ABLIM1: variants seen among roughly 807,000 people sequenced by gnomAD.
ABLIM1 encodes the protein actin-binding LIM protein 1.
A neutral mutation model predicts 107.0 loss-of-function variants in ABLIM1; 40 were observed. The ratio of observed to expected loss-of-function variants is 0.37; its 90% confidence interval spans 0.29 to 0.49. The LOEUF (loss-of-function observed/expected upper bound fraction) is 0.49, where lower values mean the gene tolerates loss of function less well. ABLIM1 is among the 20% of genes least tolerant of loss of function. ABLIM1 has a pLI of 0.97. For synonymous variants in ABLIM1, 357 were observed against 357.3 expected, an observed-to-expected ratio of 1.00 and a Z score of 0.01; for missense variants, 857 against 1,008.5, an observed-to-expected ratio of 0.85 and a Z score of 2.04.
intron 1 of ABLIM1, among the ~76,000 whole-genome samples, chr10:114,735,027 T>C (rs2082150479): frequency 6.6e-6 from 1 of 152,212 alleles, no homozygotes; most frequent in Non-Finnish European, 1.5e-5. Context: ...AGTTAGCAAG[T>C]ACAGCCTTGG....
chr10:114,491,735 C>G, intron 7 of ABLIM1, 56 bp downstream of exon 7: 1 of 1,476,648 alleles, frequency 6.8e-7, no homozygotes, highest in South Asian at 1.2e-5. Context: ...ACAAACATAG[C>G]AAGATTTCCT....
At chr10:114,623,131 T>G (rs2140474416) in intron 1 of ABLIM1, among the ~76,000 whole-genome samples, 1 of 152,300 alleles carries the variant, frequency 6.6e-6, no homozygotes, top group Middle Eastern at 3.4e-3. Flanking sequence ...GGCTAATTTT[T>G]GTATTGTTAA....
At chr10:114,738,375 C>CA (rs1360206916) in intron 1 of ABLIM1, among the ~76,000 whole-genome samples, 1 of 152,040 alleles carries the variant, frequency 6.6e-6, no homozygotes, top group African/African-American at 2.4e-5. Context: ...TCTCAATAAT[C>CA]AAAAAATGAT....
chr10:114,718,130 A>AAAAAG (rs1566269894), intron 1 of ABLIM1, among the ~76,000 whole-genome samples: 1 of 124,310 alleles, frequency 8.0e-6, no homozygotes, highest in Non-Finnish European at 2.0e-5. Context: ...AAAAAGAAAG[A>AAAAAG]AAAGAAAGAA....
intron 12 of ABLIM1, among the ~76,000 whole-genome samples, chr10:114,454,806 T>A (rs1053430293): frequency 2.6e-5 from 4 of 152,316 alleles, no homozygotes; most frequent in African/African-American, 9.6e-5. Context: ...GTAGGGGTAA[T>A]GACTTTTACT....
chr10:114,529,376 CCT>C (rs1342027011), intron 6 of ABLIM1, among the ~76,000 whole-genome samples: 1 of 152,124 alleles, frequency 6.6e-6, no homozygotes, highest in Non-Finnish European at 1.5e-5. Flanking sequence ...CCTGCCTCAA[CCT>C]CCCAAAGTGC....
intron 15 of ABLIM1, among the ~76,000 whole-genome samples, chr10:114,447,582 G>C (rs1206110481): frequency 6.6e-6 from 1 of 152,212 alleles, no homozygotes; most frequent in Non-Finnish European, 1.5e-5. Flanking sequence ...ATGTTCAACA[G>C]AGTTACTGAT....
At chr10:114,630,678 C>T (rs11196816) in intron 1 of ABLIM1, among the ~76,000 whole-genome samples, 1 of 152,118 alleles carries the variant, frequency 6.6e-6, no homozygotes, top group Non-Finnish European at 1.5e-5. Context: ...CATCTTAAAT[C>T]TATTCCCTAT....
intron 2 of ABLIM1, among the ~76,000 whole-genome samples, chr10:114,577,531 G>A (rs7070949): frequency 0.028 from 4,293 of 152,256 alleles, 195 homozygotes; most frequent in African/African-American, 0.098. Flanking sequence ...AATTCTAAAT[G>A]TTTTAGAAAT....
chr10:114,581,262 G>A (rs1352399372), intron 2 of ABLIM1, among the ~76,000 whole-genome samples: 4 of 152,186 alleles, frequency 2.6e-5, no homozygotes, highest in African/African-American at 9.7e-5. Flanking sequence ...CAAAGTATGG[G>A]GGTGTCCAAC....
intron 1 of ABLIM1, among the ~76,000 whole-genome samples, chr10:114,677,169 C>A (rs1160959963): frequency 6.6e-6 from 1 of 152,200 alleles, no homozygotes; most frequent in Admixed American, 6.5e-5. Flanking sequence ...ATGAGCTCCA[C>A]AAAGGGAAGA....
At chr10:114,580,205 T>TTATATATTATATATATATATA (rs560754012) in intron 2 of ABLIM1, among the ~76,000 whole-genome samples, 2 of 144,882 alleles carry the variant, frequency 1.4e-5, no homozygotes, top group East Asian at 4.0e-4. Context: ...ATATTATATA[T>TTATATATTATATATATATATA]TATATATATA....
intron 6 of ABLIM1, among the ~76,000 whole-genome samples, chr10:114,523,493 T>C (rs1363257138): frequency 1.3e-5 from 2 of 152,168 alleles, no homozygotes; most frequent in African/African-American, 4.8e-5. Flanking sequence ...TCAGACCCTA[T>C]GGTTAGTGTG....
intron 2 of ABLIM1, among the ~76,000 whole-genome samples, chr10:114,596,793 C>A (rs535863536): frequency 9.2e-5 from 14 of 152,058 alleles, no homozygotes; most frequent in African/African-American, 2.9e-4. Flanking sequence ...TTTTTCAAAA[C>A]CTATTTTTAG....
At chr10:114,474,054 A>C (rs139102619) in intron 8 of ABLIM1, 98 bp from the exon 9 acceptor site, 10 of 831,240 alleles carry the variant, frequency 1.2e-5, no homozygotes, top group Middle Eastern at 2.3e-4. Context: ...AGCTAGTGAA[A>C]AAAAGAAACA....
intron 19 of ABLIM1, 125 bp from the exon 20 acceptor site, chr10:114,440,214 C>A: frequency 1.0e-6 from 1 of 963,348 alleles, no homozygotes; most frequent in Non-Finnish European, 1.6e-6. Context: ...TCTTTTTCTG[C>A]TCCCAGACTC....
Position 114,473,611 on chromosome 10 carries a change from C to T in ABLIM1, c.1119+268G>A, listed in dbSNP as rs188192054. On this transcript the variant is annotated intron_variant, in intron 9 of 22. Transcript: ENST00000533213. Reference sequence around the variant, plus strand: ...GGTGCAAGAATTTTTTTTTTTGAGACGGAGTCTTAGGTGCAAGAATTTTTT... The same window carrying T: ...GGTGCAAGAATTTTTTTTTTTGAGATGGAGTCTTAGGTGCAAGAATTTTTT... 6.3e-3 allele frequency among the ~76,000 whole-genome samples: 958 copies of T among 151,314 alleles called. 3 individuals carry two copies. The highest frequency in any genetic ancestry group is 7.4e-3 in the Non-Finnish European group (503 of 67,902).
chr10:114,765,827 A>C (rs1319608816), intron 1 of ABLIM1, among the ~76,000 whole-genome samples: 1 of 152,216 alleles, frequency 6.6e-6, no homozygotes, highest in Non-Finnish European at 1.5e-5. Context: ...TATCAAATTA[A>C]CAACATCTAG....
intron 6 of ABLIM1, among the ~76,000 whole-genome samples, chr10:114,540,442 C>T (rs1339274884): frequency 1.3e-5 from 2 of 152,156 alleles, no homozygotes; most frequent in East Asian, 1.9e-4. Context: ...TCAACTGAGC[C>T]GCTGGTGCTC....
Sources: gnomAD v4.1 joint callset for allele counts (sites outside exome capture counted in the v4.1 genomes callset) on GRCh38, gnomAD v4.1.1 for gene constraint, MANE v1.5 for transcripts, NCBI Gene and HGNC (gene_info 2026-07-23, HGNC 2026-07-21) for gene names.